The following TRIM49C variants were observed in gnomAD, a reference collection of about 807,000 sequenced individuals.
TRIM49C encodes tripartite motif-containing protein 49C.
A neutral mutation model predicts 21.4 loss-of-function variants in TRIM49C; 6 were observed. That is an observed-to-expected ratio of 0.28 (90% CI 0.15 to 0.55). TRIM49C has a LOEUF of 0.55. Ranked by LOEUF, TRIM49C falls within the 20% of genes least tolerant of loss-of-function variation. The pLI is 0.94. For synonymous variants in TRIM49C, 57 were observed against 148.1 expected (o/e 0.38, Z 4.47); for missense variants, 161 against 442.4 (o/e 0.36, Z 5.71).
chr11:90,073,365 C>G, the TRIM49C span: 2 of 659,428 alleles, frequency 3.0e-6, no homozygotes, highest in Non-Finnish European at 5.3e-6. Context: ...CCTGTCAGGT[C>G]TTTCTTTTAC....
chr11:90,056,230 G>T, the TRIM49C span, among the ~76,000 whole-genome samples: 1 of 138,046 alleles, frequency 7.2e-6, no homozygotes, highest in Non-Finnish European at 1.6e-5. Context: ...AAAGTGCTGG[G>T]ATTACAGGCG....
intron 4 of TRIM49C, among the ~76,000 whole-genome samples, chr11:90,037,161 T>C (rs1950734676): frequency 7.4e-6 from 1 of 135,820 alleles, no homozygotes; most frequent in East Asian, 2.2e-4. Context: ...ATGCAGTAAT[T>C]TTGAGTTTGT....
At chr11:90,064,432 C>T in the TRIM49C span, among the ~76,000 whole-genome samples, 3 of 149,714 alleles carry the variant, frequency 2.0e-5, no homozygotes, top group African/African-American at 7.4e-5. Context: ...TTCCACTCTA[C>T]ACTAGAAAAT....
chr11:90,036,121 A>G lies in TRIM49C; in HGVS notation c.507+138A>G. On this transcript the variant is annotated intron_variant, in intron 4 of 7. Coordinates refer to ENST00000448984, the MANE Select transcript of TRIM49C (RefSeq NM_001195234.1). ...AAAAGGCGAGAGAAAACATTGAGAAAAAGTGGCCTCATTTTTATACAGAAT... is the reference window on the plus strand; with the variant it reads ...AAAAGGCGAGAGAAAACATTGAGAAGAAGTGGCCTCATTTTTATACAGAAT... The G allele has an allele frequency of 6.9e-6, 8 of 1,164,394 alleles. 2 individuals are homozygous for G. Among genetic ancestry groups the G allele is most frequent in the Non-Finnish European group, 8.9e-6 (8 of 899,786 alleles). The allele number at this position is 1,164,394 out of a possible 1,614,324, so 72.1% of individuals were successfully genotyped here. A position where few individuals can be genotyped will look rare whatever the true frequency, so the allele number is the denominator to read the frequency against.
In TRIM49C at chr11:90,041,384, T is replaced by C. The variant is rs1401872667; in HGVS notation, c.1193T>C (p.Met398Thr). Residue 398 changes from methionine to threonine, a missense_variant, in exon 8 of 8, where the codon ATG (methionine) becomes ACG (threonine). Met to Thr is a moderately conservative substitution (Grantham distance 81). Coordinates refer to ENST00000448984, the MANE Select transcript of TRIM49C (RefSeq NM_001195234.1). ...AGTCTCTTTACCACCTCCCCACTTATGCTGCAATATATCCCAAAACCTACC... is the reference window on the plus strand; with the variant it reads ...AGTCTCTTTACCACCTCCCCACTTACGCTGCAATATATCCCAAAACCTACC... ...QCSLFTTSPL[M>T]LQYIPKPTSR... is the part of the protein sequence containing the mutation. The C allele has an allele frequency of 1.1e-5, 18 of 1,587,654 alleles. 1 individual carries two copies. Among genetic ancestry groups the C allele is most frequent in the African/African-American group, 1.4e-5 (1 of 71,956 alleles).
the TRIM49C span, chr11:90,053,386 G>C: frequency 7.0e-6 from 1 of 143,274 alleles, no homozygotes; most frequent in African/African-American, 2.5e-5. Flanking sequence ...CCACAAAGTC[G>C]TGGTATCAGG....
intron 2 of TRIM49C, 31 bp downstream of exon 2, chr11:90,032,613 A>G (rs2134811812): frequency 1.5e-5 from 2 of 129,814 alleles, no homozygotes; most frequent in East Asian, 3.9e-4. Context: ...AAATTATATC[A>G]TCTTTCCTTT....
chr11:90,062,326 G>T, the TRIM49C span, among the ~76,000 whole-genome samples: 2 of 127,852 alleles, frequency 1.6e-5, 1 homozygote, highest in East Asian at 4.5e-4. Flanking sequence ...AAGTGTTCTT[G>T]GTGCTGGCCA....
At chr11:90,056,006 C>T in the TRIM49C span, among the ~76,000 whole-genome samples, 3 of 128,226 alleles carry the variant, frequency 2.3e-5, no homozygotes, top group East Asian at 2.5e-4. Flanking sequence ...TAGCCCAGGC[C>T]GGATTGCAGT....
intron 2 of TRIM49C, among the ~76,000 whole-genome samples, chr11:90,033,295 T>C (rs974619082): frequency 7.9e-6 from 1 of 126,452 alleles, no homozygotes; most frequent in African/African-American, 2.8e-5. Context: ...GGATTTAAAA[T>C]TGCCAAAACA....
At chr11:90,052,908 T>C in the TRIM49C span, 2 of 142,598 alleles carry the variant, frequency 1.4e-5, no homozygotes, top group Non-Finnish European at 3.1e-5. Context: ...TCATTTTCAC[T>C]TTAATTCCGT....
the TRIM49C span, among the ~76,000 whole-genome samples, chr11:90,072,292 T>C: frequency 6.8e-6 from 1 of 148,144 alleles, no homozygotes; most frequent in Admixed American, 6.8e-5. Context: ...CTGTGAACAA[T>C]AAGAACGTGA....
At chr11:90,042,134 A>C (rs675135), downstream of TRIM49C, 34,297 of 115,150 alleles carry the variant, frequency 0.3, 4,949 homozygotes, top group Admixed American at 0.4. Context: ...TGTGATCAGA[A>C]CAATGCTGGA....
the TRIM49C span, chr11:90,071,872 C>T: frequency 5.6e-5 from 34 of 604,492 alleles, 3 homozygotes; most frequent in Non-Finnish European, 5.3e-5. Flanking sequence ...CCCAGTGTAA[C>T]GATTTTTCAT....
At chr11:90,069,949 C>T in the TRIM49C span, among the ~76,000 whole-genome samples, 2 of 128,288 alleles carry the variant, frequency 1.6e-5, 1 homozygote, top group African/African-American at 6.3e-5. Flanking sequence ...ACGGCATCCT[C>T]CTGCAACTAA....
the TRIM49C span, among the ~76,000 whole-genome samples, chr11:90,056,810 T>C: frequency 2.1e-5 from 3 of 141,130 alleles, no homozygotes; most frequent in African/African-American, 8.3e-5. Context: ...AAGAGTTTTC[T>C]GAATGTTATA....
chr11:90,068,490 A>C, the TRIM49C span, among the ~76,000 whole-genome samples: 196 of 144,748 alleles, frequency 1.4e-3, 22 homozygotes, highest in African/African-American at 4.8e-3. Context: ...GAGCTTAATT[A>C]TTGATAAGTC....
intron 5 of TRIM49C, among the ~76,000 whole-genome samples, chr11:90,038,423 A>G (rs878968394): frequency 3.4e-5 from 4 of 117,042 alleles, no homozygotes; most frequent in African/African-American, 1.2e-4. Context: ...TAGGTTTTTC[A>G]TGGTTACCAC....
the TRIM49C span, among the ~76,000 whole-genome samples, chr11:90,068,990 GA>G: frequency 5.3e-4 from 58 of 109,400 alleles, no homozygotes; most frequent in East Asian, 7.4e-4. Context: ...GTTTCGAAAA[GA>G]AAAAAAAAAT....
Sources: allele counts gnomAD v4.1 joint callset (sites outside exome capture counted in the v4.1 genomes callset), GRCh38; gene constraint gnomAD v4.1.1; transcripts MANE v1.5; gene names NCBI Gene and HGNC (gene_info 2026-07-23, HGNC 2026-07-21).